DIXDC1: variants seen among roughly 807,000 people sequenced by gnomAD.
DIXDC1 encodes the protein dixin.
In DIXDC1, 64 loss-of-function variants were observed where a neutral mutation model predicts 103.1. The ratio of observed to expected loss-of-function variants is 0.62; its 90% confidence interval spans 0.51 to 0.76. DIXDC1 has a LOEUF of 0.76. DIXDC1 is among the 30% of genes least tolerant of loss of function. DIXDC1 has a pLI of 0.00. For missense variants in DIXDC1, 759 were observed against 834.2 expected (o/e 0.91, Z 1.11); for synonymous variants, 266 against 298.5 (o/e 0.89, Z 1.12).
chr11:111,975,847 T>A, intron 5 of DIXDC1: 1 of 985,066 alleles, frequency 1.0e-6, no homozygotes, highest in Non-Finnish European at 1.2e-6. Flanking sequence ...ATTTCCTAAT[T>A]TATTGAGGTC....
At chr11:111,959,418 C>T (rs113102274) in intron 1 of DIXDC1, among the ~76,000 whole-genome samples, 5 of 152,220 alleles carry the variant, frequency 3.3e-5, no homozygotes, top group Admixed American at 1.3e-4. Context: ...GCTGCAGCAT[C>T]GCAGGGAGCC....
intron 17 of DIXDC1, among the ~76,000 whole-genome samples, chr11:112,013,845 G>T (rs1020324506): frequency 2.6e-5 from 4 of 152,134 alleles, no homozygotes; most frequent in Non-Finnish European, 5.9e-5. Flanking sequence ...GGTTTGTTTG[G>T]CTCACAATTC....
intron 17 of DIXDC1, among the ~76,000 whole-genome samples, chr11:112,009,845 C>T (rs1487622761): frequency 6.6e-6 from 1 of 152,158 alleles, no homozygotes; most frequent in East Asian, 1.9e-4. Context: ...AAACCCACAG[C>T]CAATATCATA....
At chr11:111,999,962 C>G (rs953458308) in intron 17 of DIXDC1, among the ~76,000 whole-genome samples, 8 of 152,214 alleles carry the variant, frequency 5.3e-5, no homozygotes, top group Middle Eastern at 3.4e-3. Context: ...CTGGCGAAAC[C>G]CTGTCTCTAC....
chr11:112,018,992 G>A lies in DIXDC1; in HGVS notation c.2008G>A (p.Gly670Arg). Residue 670 changes from glycine (G) to arginine (R), a missense_variant, in exon 20 of 20, where the codon GGG (glycine) becomes AGG (arginine). Physicochemically the swap from Gly to Arg is moderately radical, Grantham distance 125 (BLOSUM62 -2). This residue lies in a region of DIXDC1 where 657 missense variants were observed against 727.5 expected (regional missense o/e 0.90). Transcript: ENST00000440460. ...HDDDAIPGWE[G>R]KIVAWVEEDH... ...TGATGATGCCATCCCTGGATGGGAA[G>A]GGAAAATTGTAGCTTGGGTGGAAGA... The A allele has an allele frequency of 6.2e-7, 1 of 1,613,578 alleles. No individual in the cohort carries two copies. The highest frequency in any genetic ancestry group is 8.5e-7 in the Non-Finnish European group (1 of 1,179,650).
rs1861647608 is a variant in DIXDC1, at chr11:112,017,948, G to C, written c.1971+63G>C. 1 of 1,328,706 alleles carries C rather than the reference G, an allele frequency of 7.5e-7. No individual in the cohort carries two copies. The highest frequency in any genetic ancestry group is 2.0e-5 in the Admixed American group (1 of 49,324). The allele number at this position is 1,328,706 out of a possible 1,614,324, so 82.3% of individuals were successfully genotyped here. On this transcript the variant is annotated intron_variant, in intron 19 of 19. Coordinates refer to ENST00000440460, the MANE Select transcript of DIXDC1 (RefSeq NM_001037954.4). The surrounding 1 kb of genome is among the most constrained non-coding windows in gnomAD (Gnocchi z 4.0). ...TCCTTTCTGAACCCTGAAGCCTCCT[G>C]TTCAAGCACTAGTGTCCAGAAGTAC...
rs1036228371 is a variant in DIXDC1, at chr11:111,993,012, T to C, written c.1272+8T>C. The C allele has an allele frequency of 1.3e-6, 2 of 1,596,642 alleles. No individual in the cohort carries two copies. Among genetic ancestry groups the C allele is most frequent in the Non-Finnish European group, 8.5e-7 (1 of 1,171,310 alleles). On this transcript the variant is annotated splice_region_variant and intron_variant, in intron 12 of 19. Transcript: ENST00000440460. ...CTCTTGGGAGAATATAAAGTAAGAATGAATATCAGTTTGGAAATGACTTCC... is the reference window on the plus strand; with the variant it reads ...CTCTTGGGAGAATATAAAGTAAGAACGAATATCAGTTTGGAAATGACTTCC...
At position 111,993,575 on chromosome 11, in the gene DIXDC1, T is replaced by C. The variant is rs1246927861; in HGVS notation, c.1352T>C (p.Val451Ala). ...LEEALRKLSD[V>A]SYHQVDLERE... The stretch of plus-strand genomic sequence containing the variant: ...GAAGCACTCCGGAAACTCTCTGATG[T>C]CAGTTACCACCAGGTCAGAACATAT... The change falls in exon 13 of 20, where the codon GTC becomes GCC. Residue 451 changes from valine (V) to alanine (A), a missense_variant. By Grantham distance (64) the Val-to-Ala change is moderately conservative. Transcript: ENST00000440460. 1 of 1,613,934 alleles carries C rather than the reference T, an allele frequency of 6.2e-7. No homozygotes were observed. Among genetic ancestry groups the C allele is most frequent in the African/African-American group, 1.3e-5 (1 of 74,930 alleles).
chr11:111,992,317 C>G (rs1415294642), intron 10 of DIXDC1, 98 bp from the exon 11 acceptor site: 1 of 1,099,714 alleles, frequency 9.1e-7, no homozygotes, highest in Non-Finnish European at 1.3e-6. Flanking sequence ...TCTGCCATAA[C>G]GAATGCTGGA....
intron 17 of DIXDC1, among the ~76,000 whole-genome samples, chr11:112,010,204 T>A (rs1165303250): frequency 6.6e-6 from 1 of 152,124 alleles, no homozygotes; most frequent in East Asian, 1.9e-4. Flanking sequence ...CCAATCACAA[T>A]TGCTACGAAG....
Position 112,020,870 on chromosome 11 carries a change from A to G in DIXDC1, c.*1834A>G, listed in dbSNP as rs2137657927. 1 of 152,366 alleles carries G rather than the reference A, an allele frequency of 6.6e-6. No homozygotes were observed. Among genetic ancestry groups the G allele is most frequent in the African/African-American group, 2.4e-5 (1 of 41,584 alleles). The allele number at this position is 152,366 out of a possible 1,614,324, so 9.4% of individuals were successfully genotyped here. The stretch of plus-strand genomic sequence containing the variant: ...AAGTTTGGGAAAGTCAGCAAAAGAA[A>G]GAATGCATTTCGAAAGCAAACAGAA... On this transcript the variant is annotated 3_prime_UTR_variant, in exon 20 of 20. Transcript: ENST00000440460.
At chr11:111,995,830 C>T (rs781809322) in intron 16 of DIXDC1, among the ~76,000 whole-genome samples, 4 of 152,170 alleles carry the variant, frequency 2.6e-5, no homozygotes, top group Non-Finnish European at 2.9e-5. Flanking sequence ...TCTCCCTTTA[C>T]GCTTCTTCCC....
Position 111,977,767 on chromosome 11 carries a change from G to A in DIXDC1, c.656+2784G>A. On this transcript the variant is annotated intron_variant, in intron 5 of 19. Coordinates refer to ENST00000440460, the MANE Select transcript of DIXDC1 (RefSeq NM_001037954.4). This position sits in a 1 kb window ranked among gnomAD's most constrained non-coding sequence, Gnocchi z 6.1. ...CTTGCTGAAGCCCGAGACAGGAGGG[G>A]GACCATGGGAGGGACGCAAGTCAAA... 1 of 1,566,534 alleles carries A rather than the reference G, an allele frequency of 6.4e-7. No individual in the cohort carries two copies. The highest frequency in any genetic ancestry group is 8.6e-7 in the Non-Finnish European group (1 of 1,156,094).
At chr11:111,929,999 C>G in intron 2 of DIXDC1, 10 of 1,227,388 alleles carry the variant, frequency 8.1e-6, no homozygotes, top group Non-Finnish European at 1.1e-5. Context: ...TCCATCAGGA[C>G]TCAGATCCTG....
intron 1 of DIXDC1, among the ~76,000 whole-genome samples, chr11:111,954,936 T>C (rs1296859541): frequency 1.3e-5 from 2 of 152,120 alleles, no homozygotes; most frequent in Non-Finnish European, 2.9e-5. Context: ...CCCATATGTA[T>C]ATATATACAT....
At chr11:111,993,872 A>C in intron 14 of DIXDC1, 132 bp downstream of exon 14, 1 of 1,004,792 alleles carries the variant, frequency 1.0e-6, no homozygotes, top group Non-Finnish European at 1.4e-6. Flanking sequence ...TTAAAAGTGC[A>C]GGTTCCAGAA....
intron 1 of DIXDC1, among the ~76,000 whole-genome samples, chr11:111,942,467 T>G (rs1966452752): frequency 6.6e-6 from 1 of 152,226 alleles, no homozygotes; most frequent in Non-Finnish European, 1.5e-5. Context: ...ATTAAAGTGG[T>G]CATGGATATT....
At chr11:112,003,494 A>G (rs1861131099) in intron 17 of DIXDC1, among the ~76,000 whole-genome samples, 1 of 151,888 alleles carries the variant, frequency 6.6e-6, no homozygotes, top group African/African-American at 2.4e-5. Context: ...GGGATGTTTT[A>G]ACGTAAAGAA....
At chr11:111,982,551 T>C (rs1860349184) in intron 7 of DIXDC1, 64 bp downstream of exon 7, 6 of 1,540,902 alleles carry the variant, frequency 3.9e-6, no homozygotes, top group Non-Finnish European at 5.3e-6. Context: ...GTATTATCAA[T>C]GGAAAATAAA....
Sources: gnomAD v4.1 joint callset for allele counts (sites outside exome capture counted in the v4.1 genomes callset) on GRCh38, gnomAD v4.1.1 for gene constraint, gnomAD v4.1.1 regional missense constraint, Gnocchi (gnomAD v3.1) non-coding constraint, MANE v1.5 for transcripts, NCBI Gene and HGNC (gene_info 2026-07-23, HGNC 2026-07-21) for gene names.